CPQ: variants seen among roughly 807,000 people sequenced by gnomAD.
CPQ encodes the protein carboxypeptidase Q.
Under a neutral mutation model 45.7 loss-of-function variants are expected in CPQ, and 37 were observed. That is an observed-to-expected ratio of 0.81 (90% CI 0.62 to 1.07). The LOEUF is 1.07. Ranked by LOEUF, CPQ falls within the 50% of genes least tolerant of loss-of-function variation. The pLI, the probability that CPQ is intolerant of heterozygous loss-of-function variation, is 0.00. For missense variants in CPQ, 537 were observed against 572.9 expected, an observed-to-expected ratio of 0.94 and a Z score of 0.64; for synonymous variants, 186 against 205.8, an observed-to-expected ratio of 0.90 and a Z score of 0.82.
chr8:96,882,934 G>A (rs1370085644), intron 4 of CPQ, among the ~76,000 whole-genome samples: 1 of 152,020 alleles, frequency 6.6e-6, no homozygotes, highest in African/African-American at 2.4e-5. Context: ...GTCCATCTCC[G>A]ACTCTACCAC....
intron 7 of CPQ, among the ~76,000 whole-genome samples, chr8:97,082,524 T>C (rs1810967977): frequency 6.6e-6 from 1 of 152,164 alleles, no homozygotes; most frequent in African/African-American, 2.4e-5. Flanking sequence ...TTCTAGGATC[T>C]ATTGGCAGAC....
chr8:96,938,004 T>C (rs1240795920), intron 4 of CPQ, among the ~76,000 whole-genome samples: 1 of 152,202 alleles, frequency 6.6e-6, no homozygotes, highest in Non-Finnish European at 1.5e-5. Context: ...AAATTTTGTT[T>C]TGCCCAAAAA....
chr8:96,836,716 A>G (rs1811535783), intron 3 of CPQ, among the ~76,000 whole-genome samples: 1 of 152,008 alleles, frequency 6.6e-6, no homozygotes, highest in Non-Finnish European at 1.5e-5. Flanking sequence ...AGAAACCTTT[A>G]TTTAAGAACT....
In CPQ at chr8:96,755,960, A is replaced by G. The variant is rs146288610; in HGVS notation, c.-34-28904A>G. ...TGCAGCAGGATATCAAATTAGAAGT[A>G]AAATTTTTGTTCAGACTCCCCATTT... is the stretch of plus-strand genomic sequence containing the variant. On this transcript the variant is annotated intron_variant, in intron 1 of 7. Transcript: ENST00000220763. Among the ~76,000 whole-genome samples, 724 of 152,140 alleles carry G rather than the reference A, an allele frequency of 4.8e-3. 11 individuals carry two copies. The highest frequency in any genetic ancestry group is 0.012 in the African/African-American group (510 of 41,568).
intron 4 of CPQ, among the ~76,000 whole-genome samples, chr8:96,926,415 CTATT>C (rs1255431714): frequency 6.6e-6 from 1 of 152,120 alleles, no homozygotes; most frequent in African/African-American, 2.4e-5. Context: ...TCTGAATAAT[CTATT>C]TATTCAATAA....
At chr8:97,027,585 A>G (rs1809824461) in intron 5 of CPQ, among the ~76,000 whole-genome samples, 2 of 152,228 alleles carry the variant, frequency 1.3e-5, no homozygotes, top group African/African-American at 2.4e-5. Context: ...CTAGTGCCTA[A>G]TGATAGCAGG....
chr8:96,996,723 T>C (rs1411198501), intron 5 of CPQ, among the ~76,000 whole-genome samples: 1 of 152,182 alleles, frequency 6.6e-6, no homozygotes, highest in East Asian at 1.9e-4. Flanking sequence ...TGCTTATATA[T>C]GCAATTTGTC....
chr8:97,107,689 G>A (rs1811426570), intron 7 of CPQ, among the ~76,000 whole-genome samples: 1 of 152,150 alleles, frequency 6.6e-6, no homozygotes, highest in South Asian at 2.1e-4. Context: ...CCCAGAGAGA[G>A]ATGTATGGCT....
At chr8:96,940,445 C>G (rs929740899) in intron 4 of CPQ, among the ~76,000 whole-genome samples, 1 of 152,162 alleles carries the variant, frequency 6.6e-6, no homozygotes, top group African/African-American at 2.4e-5. Context: ...TCTTGCTCTC[C>G]CTCTCTTTCT....
intron 2 of CPQ, among the ~76,000 whole-genome samples, chr8:96,808,668 GTGGCCGTAAGA>G (rs1242406189): frequency 6.6e-6 from 1 of 152,146 alleles, no homozygotes; most frequent in African/African-American, 2.4e-5. Context: ...CTCCTTCGTG[GTGGCCGTAAGA>G]TGTGAAAAGG....
intron 6 of CPQ, among the ~76,000 whole-genome samples, chr8:97,036,029 G>A (rs972976013): frequency 3.9e-5 from 6 of 152,060 alleles, no homozygotes; most frequent in Non-Finnish European, 7.4e-5. Flanking sequence ...TCTTCATTTC[G>A]GTGTTCTGCT....
chr8:96,899,928 G>A (rs369487466), intron 4 of CPQ, among the ~76,000 whole-genome samples: 8 of 152,218 alleles, frequency 5.3e-5, no homozygotes, highest in Middle Eastern at 3.4e-3. Context: ...TTCTTCTATC[G>A]TCTAGGGACT....
chr8:96,769,123 G>A (rs992338541), intron 1 of CPQ, among the ~76,000 whole-genome samples: 2 of 152,140 alleles, frequency 1.3e-5, no homozygotes, highest in African/African-American at 4.8e-5. Flanking sequence ...CTCTGGAAAG[G>A]CTACTGTGCC....
At chr8:96,911,619 G>A (rs1007626142) in intron 4 of CPQ, among the ~76,000 whole-genome samples, 2 of 152,078 alleles carry the variant, frequency 1.3e-5, no homozygotes, top group African/African-American at 2.4e-5. Context: ...CTTGTCATGC[G>A]GTCCTGAGCC....
At chr8:97,123,773 AT>A (rs775336157) in intron 7 of CPQ, among the ~76,000 whole-genome samples, 33 of 152,206 alleles carry the variant, frequency 2.2e-4, no homozygotes, top group Admixed American at 3.3e-4. Context: ...TACAAAAAAA[AT>A]ATTTTAAATA....
At chr8:96,992,479 A>G (rs1274127611) in intron 5 of CPQ, among the ~76,000 whole-genome samples, 1 of 152,200 alleles carries the variant, frequency 6.6e-6, no homozygotes, top group African/African-American at 2.4e-5. Context: ...GATGTAGGGC[A>G]GATATTATTA....
chr8:97,050,328 C>A (rs1012404980), intron 6 of CPQ, among the ~76,000 whole-genome samples: 1 of 152,094 alleles, frequency 6.6e-6, no homozygotes, highest in Middle Eastern at 3.4e-3. Flanking sequence ...TATCCAGGGC[C>A]CTTTCTGTGT....
At chr8:96,711,654 A>G (rs1368719139) in intron 1 of CPQ, among the ~76,000 whole-genome samples, 2 of 152,002 alleles carry the variant, frequency 1.3e-5, no homozygotes, top group African/African-American at 2.4e-5. Context: ...GTAAGAACTG[A>G]CTCACTATCA....
intron 1 of CPQ, among the ~76,000 whole-genome samples, chr8:96,756,945 C>T (rs924917224): frequency 6.6e-6 from 1 of 151,792 alleles, no homozygotes; most frequent in Non-Finnish European, 1.5e-5. Context: ...ATTTTTTTTC[C>T]ATAAAGGGTG....
Sources: allele counts gnomAD v4.1 joint callset (sites outside exome capture counted in the v4.1 genomes callset), GRCh38; gene constraint gnomAD v4.1.1; transcripts MANE v1.5; gene names NCBI Gene and HGNC (gene_info 2026-07-23, HGNC 2026-07-21).